Variants in TTC23L observed in about 807,000 individuals in gnomAD.
TTC23L encodes the protein tetratricopeptide repeat protein 23-like.
Under a neutral mutation model 48.1 loss-of-function variants are expected in TTC23L, and 42 were observed. That is an observed-to-expected ratio of 0.87 (90% confidence interval 0.68 to 1.13). The LOEUF is 1.13. TTC23L is among the 50% of genes most tolerant of loss of function. The probability of loss-of-function intolerance (pLI) is 0.00; values close to 1 mark genes in which losing one functional copy is unlikely to be tolerated. For missense variants in TTC23L, 391 were observed against 421.0 expected, an observed-to-expected ratio of 0.93 and a Z score of 0.62; for synonymous variants, 159 against 157.2, an observed-to-expected ratio of 1.01 and a Z score of -0.09.
chr5:34,913,389 G>GT, the TTC23L span: 1 of 761,512 alleles, frequency 1.3e-6, no homozygotes, highest in Non-Finnish European at 2.0e-6. Context: ...CTGAACCAAT[G>GT]TTTATGTTCC....
rs143699282 is a variant in TTC23L at position 34,873,936 on chromosome 5, G to A, written c.949+4923G>A. 1.4e-4 allele frequency among the ~76,000 whole-genome samples: 22 copies of A among 152,294 alleles called. No homozygotes were observed. The East Asian group carries it at 4.0e-3, about 28-fold the overall frequency. The stretch of plus-strand genomic sequence containing the variant: ...AACACTAAGCTATGCAGACACAGGA[G>A]TGAACCCCAGAAATCCAGATTAAAA... On this transcript the variant is annotated intron_variant, in intron 8 of 10. Coordinates refer to ENST00000505624, the Ensembl canonical transcript of TTC23L.
the TTC23L span, chr5:34,907,678 GCAAA>G: frequency 5.9e-5 from 9 of 152,154 alleles, no homozygotes; most frequent in Non-Finnish European, 1.0e-4. Context: ...GTTACTTACA[GCAAA>G]CAGTTTTGAG....
At position 34,863,002 on chromosome 5, in the gene TTC23L, G is replaced by A; in HGVS notation, c.484G>A (p.Ala162Thr). Residue 162 changes from alanine (A) to threonine (T), a missense_variant, in exon 5 of 11, where the codon GCT becomes ACT. Coordinates refer to ENST00000505624, the Ensembl canonical transcript of TTC23L. This position sits in a 1 kb window ranked among gnomAD's most constrained non-coding sequence, Gnocchi z 4.1. ...TAAGGAGAAAGAGGAAATCCTGGAA[G>A]CTCTGGTCAAGCTGTACTACACTCT... 1 of 1,613,990 alleles carries A rather than the reference G, an allele frequency of 6.2e-7. No individual in the cohort carries two copies. The highest frequency in any genetic ancestry group is 8.5e-7 in the Non-Finnish European group (1 of 1,179,894).
At chr5:34,901,728 C>T (rs1763516346), downstream of TTC23L, among the ~76,000 whole-genome samples, 1 of 152,006 alleles carries the variant, frequency 6.6e-6, no homozygotes, top group Non-Finnish European at 1.5e-5. Context: ...TGCAATTGCA[C>T]TCCAGCTTGG....
At chr5:34,839,719 T>A (rs1758438749) in intron 1 of TTC23L, 1 of 932,806 alleles carries the variant, frequency 1.1e-6, no homozygotes, top group Non-Finnish European at 1.3e-6. Flanking sequence ...AGAGGCGACT[T>A]GGTGGATGTT....
At chr5:34,886,654 C>G (rs1473511890) in intron 9 of TTC23L, among the ~76,000 whole-genome samples, 1 of 152,144 alleles carries the variant, frequency 6.6e-6, no homozygotes, top group Non-Finnish European at 1.5e-5. Flanking sequence ...TTTCCCTTCC[C>G]TTCCATTTCA....
At chr5:34,890,358 T>A (rs916030880) in intron 9 of TTC23L, among the ~76,000 whole-genome samples, 14 of 137,896 alleles carry the variant, frequency 1.0e-4, no homozygotes, top group African/African-American at 3.6e-4. Context: ...GGTGGAAGGA[T>A]AACTTGAGGC....
chr5:34,851,300 T>C (rs1759656845), intron 4 of TTC23L, among the ~76,000 whole-genome samples: 1 of 152,198 alleles, frequency 6.6e-6, no homozygotes, highest in African/African-American at 2.4e-5. Flanking sequence ...AAGCAATATA[T>C]TTGGGCCATA....
the TTC23L span, chr5:34,925,582 T>TA: frequency 1.8e-6 from 2 of 1,110,188 alleles, no homozygotes; most frequent in Non-Finnish European, 2.5e-6. Flanking sequence ...AATACTATCT[T>TA]ACGTCTAATT....
At chr5:34,888,914 C>G (rs1762690466) in intron 9 of TTC23L, among the ~76,000 whole-genome samples, 1 of 152,120 alleles carries the variant, frequency 6.6e-6, no homozygotes, top group Non-Finnish European at 1.5e-5. Flanking sequence ...CATACAAAGT[C>G]TAGGTCCCTA....
At chr5:34,885,141 T>C (rs1762469585) in intron 9 of TTC23L, among the ~76,000 whole-genome samples, 1 of 152,236 alleles carries the variant, frequency 6.6e-6, no homozygotes, top group East Asian at 1.9e-4. Context: ...GTATAGTAAG[T>C]AGTTAACAGT....
At chr5:34,852,086 C>T (rs1044456171) in intron 4 of TTC23L, among the ~76,000 whole-genome samples, 3 of 152,124 alleles carry the variant, frequency 2.0e-5, no homozygotes, top group African/African-American at 4.8e-5. Flanking sequence ...GGTCTTTCTA[C>T]GTTGCCCAGG....
At chr5:34,857,582 A>G (rs1183506272) in intron 4 of TTC23L, among the ~76,000 whole-genome samples, 1 of 152,242 alleles carries the variant, frequency 6.6e-6, no homozygotes, top group Non-Finnish European at 1.5e-5. Flanking sequence ...AAACAGTGCT[A>G]TGAAAAATGT....
At chr5:34,866,836 G>T in intron 6 of TTC23L, 56 bp from the exon 7 acceptor site, 7 of 1,463,134 alleles carry the variant, frequency 4.8e-6, no homozygotes, top group Non-Finnish European at 6.4e-6. Context: ...TTCCTTTTGT[G>T]TCTGCAAAGT....
intron 9 of TTC23L, among the ~76,000 whole-genome samples, chr5:34,889,306 T>C (rs1173246026): frequency 6.6e-6 from 1 of 152,040 alleles, no homozygotes; most frequent in Non-Finnish European, 1.5e-5. Flanking sequence ...TCACTCAGTC[T>C]TGGAGATTTG....
chr5:34,922,767 C>T, the TTC23L span: 2 of 1,613,282 alleles, frequency 1.2e-6, no homozygotes, highest in African/African-American at 2.7e-5. Context: ...TCTTTTGACC[C>T]TGTAAGTTTC....
At chr5:34,841,933 G>A (rs1758713981) in intron 2 of TTC23L, among the ~76,000 whole-genome samples, 1 of 152,112 alleles carries the variant, frequency 6.6e-6, no homozygotes, top group Non-Finnish European at 1.5e-5. Context: ...AGGATTTTTA[G>A]CAGCATCCCT....
At chr5:34,872,063 A>C (rs966707586) in intron 8 of TTC23L, among the ~76,000 whole-genome samples, 2 of 152,054 alleles carry the variant, frequency 1.3e-5, no homozygotes, top group Non-Finnish European at 2.9e-5. Context: ...AGATCACTTG[A>C]AGCCAGGAAT....
Position 34,850,186 on chromosome 5 carries a change from ATACTC to A in TTC23L, c.258_262del (p.Asn86LysfsTer67). 6.2e-7 allele frequency: 1 copy of A among 1,613,828 alleles called. No individual in the cohort carries two copies. Among genetic ancestry groups the A allele is most frequent in the Non-Finnish European group, 8.5e-7 (1 of 1,179,756 alleles). On this transcript the variant is annotated frameshift_variant and splice_region_variant, in exon 4 of 11. Coordinates refer to ENST00000505624, the Ensembl canonical transcript of TTC23L. LOFTEE classifies it high-confidence loss of function. ...TATAATCACTTCTGTACTCTACAGAATACTCAAGCAAACAAGGAGCTGATTCGATG... is the reference window on the plus strand; with the variant it reads ...TATAATCACTTCTGTACTCTACAGAAAAGCAAACAAGGAGCTGATTCGATG...
Sources: allele counts gnomAD v4.1 joint callset (sites outside exome capture counted in the v4.1 genomes callset), GRCh38; gene constraint gnomAD v4.1.1; non-coding constraint Gnocchi (gnomAD v3.1); transcripts MANE v1.5; gene names NCBI Gene and HGNC (gene_info 2026-07-23, HGNC 2026-07-21).